CACNA1C: variants seen among roughly 807,000 people sequenced by gnomAD.
CACNA1C encodes voltage-dependent L-type calcium channel subunit alpha-1C.
Under a neutral mutation model 229.0 loss-of-function variants are expected in CACNA1C, and 30 were observed. The ratio of observed to expected loss-of-function variants is 0.13; its 90% CI spans 0.10 to 0.18. The LOEUF is 0.18. CACNA1C is among the 10% of genes least tolerant of loss of function. The probability of loss-of-function intolerance (pLI) is 1.00; values close to 1 mark genes in which losing one functional copy is unlikely to be tolerated. For missense variants in CACNA1C, 1,658 were observed against 2,845.0 expected, an observed-to-expected ratio of 0.58 and a Z score of 9.49; for synonymous variants, 1,114 against 1,132.5, an observed-to-expected ratio of 0.98 and a Z score of 0.33.
intron 3 of CACNA1C, among the ~76,000 whole-genome samples, chr12:2,255,754 T>G (rs1025879909): frequency 6.7e-6 from 1 of 149,010 alleles, no homozygotes; most frequent in South Asian, 2.1e-4. Context: ...AGCAATATGC[T>G]TGGCCCTACG....
rs1233102024 is a variant in CACNA1C at position 2,566,986 on chromosome 12, AAGGC to A, written c.1669+407_1669+410del. The stretch of plus-strand genomic sequence containing the variant: ...AACACATGAGGATGGAATGAGCAAA[AAGGC>A]AGAGAAGAGAATAGGGCCTGAGCAC... On this transcript the variant is annotated intron_variant, in intron 12 of 46. Coordinates refer to ENST00000399655, the MANE Select transcript of CACNA1C (RefSeq NM_000719.7). This position sits in a 1 kb window ranked among gnomAD's most constrained non-coding sequence, Gnocchi z 4.0. Among the ~76,000 whole-genome samples the A allele has an allele frequency of 6.6e-6, 1 of 151,754 alleles. No homozygotes were observed. Among genetic ancestry groups the A allele is most frequent in the Non-Finnish European group, 1.5e-5 (1 of 67,902 alleles).
At chr12:2,680,490 A>G (rs1425133120) in intron 42 of CACNA1C, 1 of 1,569,552 alleles carries the variant, frequency 6.4e-7, no homozygotes, top group Non-Finnish European at 8.6e-7. Flanking sequence ...CACACCCTGC[A>G]TCGTGCCTGG....
chr12:2,248,745 A>G (rs1337871965), intron 3 of CACNA1C, among the ~76,000 whole-genome samples: 2 of 152,254 alleles, frequency 1.3e-5, no homozygotes, highest in African/African-American at 2.4e-5. Flanking sequence ...GCCTCCTGGC[A>G]AGAGGGCCTC....
chr12:2,685,866 G>T (rs543946070), intron 44 of CACNA1C, 24 bp downstream of exon 44: 1 of 1,551,060 alleles, frequency 6.4e-7, no homozygotes, highest in African/African-American at 1.4e-5. Context: ...TCGCTCTCTG[G>T]ATGTGGTCGG....
chr12:2,555,825 C>T (rs912028929), intron 10 of CACNA1C, among the ~76,000 whole-genome samples: 1 of 152,134 alleles, frequency 6.6e-6, no homozygotes, highest in Non-Finnish European at 1.5e-5. Context: ...TAAGAAATAA[C>T]GAGAGGGGCT....
intron 7 of CACNA1C, among the ~76,000 whole-genome samples, chr12:2,499,173 G>A (rs1423312683): frequency 1.3e-5 from 2 of 152,176 alleles, no homozygotes; most frequent in Non-Finnish European, 2.9e-5. Flanking sequence ...GTCCCAGCAA[G>A]CAAGGTGACA....
At chr12:2,032,092 G>A (rs1180821673) in intron 1 of CACNA1C, among the ~76,000 whole-genome samples, 1 of 152,056 alleles carries the variant, frequency 6.6e-6, no homozygotes, top group Admixed American at 6.5e-5. Flanking sequence ...AGAGGGAGGA[G>A]GGGTGGCTCA....
chr12:2,588,139 T>C (rs913017037), intron 18 of CACNA1C, among the ~76,000 whole-genome samples: 1 of 152,202 alleles, frequency 6.6e-6, no homozygotes, highest in Non-Finnish European at 1.5e-5. Flanking sequence ...CAGAGACTCC[T>C]CCGAAGATCA....
intron 1 of CACNA1C, among the ~76,000 whole-genome samples, chr12:1,994,004 T>G (rs956618551): frequency 4.6e-5 from 7 of 152,166 alleles, no homozygotes; most frequent in Admixed American, 2.0e-4. Flanking sequence ...AGCAAACAGC[T>G]TCACAGATAA....
In CACNA1C at chr12:2,429,874, G is replaced by GT. The variant is rs199523244; in HGVS notation, c.478-19101dup. Reference sequence around the variant, plus strand: ...GAGTTCAGGCCAATTGTGGTGAGGAGTAGGAGAGGAGGCTGTGCATACAAA... The same window carrying GT: ...GAGTTCAGGCCAATTGTGGTGAGGAGTTAGGAGAGGAGGCTGTGCATACAAA... On this transcript the variant is annotated intron_variant, in intron 3 of 46. Transcript: ENST00000399655. 2.8e-4 allele frequency among the ~76,000 whole-genome samples: 42 copies of GT among 152,330 alleles called. No homozygotes were observed. In the East Asian group the frequency reaches 7.5e-3, roughly 27 times the overall value.
At position 2,451,529 on chromosome 12, in the gene CACNA1C, C is replaced by T. The variant is rs185530234; in HGVS notation, c.617+2414C>T. The stretch of plus-strand genomic sequence containing the variant: ...ATGTGGTCTTAATGAAATCATGAGT[C>T]GGGGGAGCAGAGACAAGAAATACAG... On this transcript the variant is annotated intron_variant, in intron 4 of 46. Coordinates refer to ENST00000399655, the MANE Select transcript of CACNA1C (RefSeq NM_000719.7). 3.8e-3 allele frequency among the ~76,000 whole-genome samples: 576 copies of T among 152,154 alleles called. 1 individual carries two copies. Among genetic ancestry groups the T allele is most frequent in the Non-Finnish European group, 6.8e-3 (463 of 68,000 alleles).
At chr12:2,283,136 G>T (rs912453679) in intron 3 of CACNA1C, among the ~76,000 whole-genome samples, 1 of 151,990 alleles carries the variant, frequency 6.6e-6, no homozygotes, top group Non-Finnish European at 1.5e-5. Context: ...AGGTTTGGAT[G>T]TAGTAGATCT....
chr12:1,979,782 T>G (rs1356865476), intron 1 of CACNA1C, among the ~76,000 whole-genome samples: 4 of 152,254 alleles, frequency 2.6e-5, no homozygotes, highest in Non-Finnish European at 5.9e-5. Context: ...TTAACACTTG[T>G]CTTTTTAATT....
Position 2,692,333 on chromosome 12 carries a change from GGA to G in CACNA1C, c.*1140_*1141del, listed in dbSNP as rs1034934194. ...TATGCTGGGTGTACAGGTGGGTTTG[GGA>G]GAGAGGAGCATGCGCGAGAGAGTCT... On this transcript the variant is annotated 3_prime_UTR_variant, in exon 47 of 47. Coordinates refer to ENST00000399655, the MANE Select transcript of CACNA1C (RefSeq NM_000719.7). 1 of 152,324 alleles carries G rather than the reference GGA, an allele frequency of 6.6e-6. No homozygotes were observed. Among genetic ancestry groups the G allele is most frequent in the African/African-American group, 2.4e-5 (1 of 41,430 alleles). The allele number at this position is 152,324 out of a possible 1,614,324, so 9.4% of individuals were successfully genotyped here. A position where few individuals can be genotyped will look rare whatever the true frequency, so the allele number is the denominator to read the frequency against.
At position 2,486,934 on chromosome 12, in the gene CACNA1C, C is replaced by T. The variant is rs916150611; in HGVS notation, c.916+672C>T. On this transcript the variant is annotated intron_variant, in intron 6 of 46. Transcript: ENST00000399655. The surrounding 1 kb of genome is among the most constrained non-coding windows in gnomAD (Gnocchi z 4.9). ...TTCCTTTTTGAGCCTTCCCACTTCACGTTCCTTCCATAAATCAATATATTT... is the reference window on the plus strand; with the variant it reads ...TTCCTTTTTGAGCCTTCCCACTTCATGTTCCTTCCATAAATCAATATATTT... 2.6e-5 allele frequency among the ~76,000 whole-genome samples: 4 copies of T among 152,220 alleles called. No individual in the cohort carries two copies. Among genetic ancestry groups the T allele is most frequent in the Admixed American group, 6.5e-5 (1 of 15,288 alleles).
chr12:2,002,881 A>G (rs193289549), intron 1 of CACNA1C, among the ~76,000 whole-genome samples: 1 of 152,336 alleles, frequency 6.6e-6, no homozygotes, highest in African/African-American at 2.4e-5. Context: ...TTATGTAAAA[A>G]CGAAGGTGAC....
chr12:2,640,851 G>A (rs939442012), intron 30 of CACNA1C, among the ~76,000 whole-genome samples: 1 of 152,212 alleles, frequency 6.6e-6, no homozygotes, highest in Admixed American at 6.5e-5. Context: ...AGGAAAAGCA[G>A]TCAGTCCTGA....
chr12:2,640,496 G>A (rs1050533255), intron 30 of CACNA1C, among the ~76,000 whole-genome samples: 2 of 152,216 alleles, frequency 1.3e-5, no homozygotes, highest in Admixed American at 6.5e-5. Flanking sequence ...ACCCGGATCC[G>A]TGTCTCTGGT....
chr12:2,306,788 C>G (rs1023599866), intron 3 of CACNA1C, among the ~76,000 whole-genome samples: 2 of 152,210 alleles, frequency 1.3e-5, no homozygotes, highest in African/African-American at 4.8e-5. Flanking sequence ...CTTTGATATG[C>G]AAATGTCCTT....
Sources: allele counts gnomAD v4.1 joint callset (sites outside exome capture counted in the v4.1 genomes callset), GRCh38; gene constraint gnomAD v4.1.1; non-coding constraint Gnocchi (gnomAD v3.1); transcripts MANE v1.5; gene names NCBI Gene and HGNC (gene_info 2026-07-23, HGNC 2026-07-21).